BCL6: variants seen among roughly 807,000 people sequenced by gnomAD.
BCL6 encodes B-cell lymphoma 6 protein.
A neutral mutation model predicts 59.5 loss-of-function variants in BCL6; 7 were observed. That is an observed-to-expected ratio of 0.12 (90% confidence interval 0.07 to 0.22). The LOEUF (loss-of-function observed/expected upper bound fraction) is 0.22, where lower values mean the gene tolerates loss of function less well. BCL6 is among the 10% of genes least tolerant of loss of function. The pLI is 1.00. For missense variants in BCL6, 685 were observed against 939.4 expected, an observed-to-expected ratio of 0.73 and a Z score of 3.54; for synonymous variants, 339 against 349.7, an observed-to-expected ratio of 0.97 and a Z score of 0.34.
chr3:187,734,098 T>C (rs1719175932), intron 2 of BCL6, among the ~76,000 whole-genome samples: 1 of 124,646 alleles, frequency 8.0e-6, no homozygotes, highest in African/African-American at 3.2e-5. Flanking sequence ...TGAAGTGCAA[T>C]AGTGCAATCT....
rs1718647346 is a variant in BCL6 at position 187,725,520 on chromosome 3, G to C, written c.1818C>G (p.Thr606=). Residue 606 remains threonine (T), a synonymous_variant, in exon 8 of 10, where the codon ACC becomes ACG. Coordinates refer to ENST00000406870, the MANE Select transcript of BCL6 (RefSeq NM_001706.5). This position sits in a 1 kb window ranked among gnomAD's most constrained non-coding sequence, Gnocchi z 4.7. The stretch of plus-strand genomic sequence containing the variant: ...TCACCTGTACAAATCTGGCTCCGCA[G>C]GTTTCGCATTTGTAGGGCTTCTCTC... ...HSGEKPYKCE[T]CGARFVQVAH... 6.2e-7 allele frequency: 1 copy of C among 1,614,186 alleles called. No homozygotes were observed. The highest frequency in any genetic ancestry group is 1.3e-5 in the African/African-American group (1 of 75,048).
In BCL6 at chr3:187,725,831, C is replaced by T. The variant is rs902309647; in HGVS notation, c.1709-202G>A. 2.0e-4 allele frequency among the ~76,000 whole-genome samples: 30 copies of T among 152,172 alleles called. No homozygotes were observed. Among genetic ancestry groups the T allele is most frequent in the Admixed American group, 8.5e-4 (13 of 15,280 alleles). ...CTCTCACACACGCACCTGCATACCTCGCAGGGGACCAGGGCCAAGAAACAA... is the reference window on the plus strand; with the variant it reads ...CTCTCACACACGCACCTGCATACCTTGCAGGGGACCAGGGCCAAGAAACAA... On this transcript the variant is annotated intron_variant, in intron 7 of 9. Coordinates refer to ENST00000406870, the MANE Select transcript of BCL6 (RefSeq NM_001706.5). This position sits in a 1 kb window ranked among gnomAD's most constrained non-coding sequence, Gnocchi z 4.7.
intron 1 of BCL6, among the ~76,000 whole-genome samples, chr3:187,739,128 C>T (rs1320875698): frequency 6.6e-6 from 1 of 152,192 alleles, no homozygotes; most frequent in East Asian, 1.9e-4. Flanking sequence ...TCCTCTCCAG[C>T]CAGAGAGGCT....
rs557020867 is a variant in BCL6, at chr3:187,743,743, C to T, written c.-50+1667G>A. Among the ~76,000 whole-genome samples the T allele has an allele frequency of 2.4e-3, 357 of 150,518 alleles. 2 individuals carry two copies. The highest frequency in any genetic ancestry group is 6.8e-3 in the Middle Eastern group (2 of 294). On this transcript the variant is annotated intron_variant, in intron 1 of 9. Coordinates refer to ENST00000406870, the MANE Select transcript of BCL6 (RefSeq NM_001706.5). ...CTGCTGCCCCCCCGCCCTTTCTCCC[C>T]GCCCGCCCCCGGAGCTCAGCCGATT...
intron 1 of BCL6, chr3:187,737,347 CAGAGAGAGAGAGAGAGAGAG>C (rs67618905): frequency 1.5e-3 from 101 of 68,474 alleles, no homozygotes; most frequent in African/African-American, 3.8e-3. Flanking sequence ...GCAGAAACGA[CAGAGAGAGAGAGAGAGAGAG>C]AGAGAGAGAG....
chr3:187,741,487 G>T (rs1711589919), intron 1 of BCL6, among the ~76,000 whole-genome samples: 1 of 152,048 alleles, frequency 6.6e-6, no homozygotes, highest in African/African-American at 2.4e-5. Flanking sequence ...ACTGCGCCTG[G>T]CAAAGCGGGG....
chr3:187,736,440 C>T (rs1198262501), intron 1 of BCL6: 1 of 152,164 alleles, frequency 6.6e-6, no homozygotes, highest in Non-Finnish European at 1.5e-5. Context: ...GGAAGGGATC[C>T]TCAAACACTT....
At position 187,728,356 on chromosome 3, in the gene BCL6, T is replaced by A; in HGVS notation, c.1540+4A>T. ...GACAAGAGGAGGGAGGGAAAAGGACTCACCACAGCTAGAATCTGAGTACTC... is the reference window on the plus strand; with the variant it reads ...GACAAGAGGAGGGAGGGAAAAGGACACACCACAGCTAGAATCTGAGTACTC... On this transcript the variant is annotated splice_donor_region_variant and intron_variant, in intron 6 of 9. Transcript: ENST00000406870. The A allele has an allele frequency of 1.3e-6, 2 of 1,580,514 alleles. No individual in the cohort carries two copies. Among genetic ancestry groups the A allele is most frequent in the Non-Finnish European group, 1.7e-6 (2 of 1,161,890 alleles).
intron 1 of BCL6, chr3:187,737,347 C>CAGAGAGAGAGAGAGAGAGAGAGAG (rs67618905): frequency 1.5e-5 from 1 of 68,496 alleles, no homozygotes; most frequent in African/African-American, 6.4e-5. Context: ...GCAGAAACGA[C>CAGAGAGAGAGAGAGAGAGAGAGAG]AGAGAGAGAG....
At chr3:187,738,912 TGAA>T (rs1352312760) in intron 1 of BCL6, among the ~76,000 whole-genome samples, 1 of 152,198 alleles carries the variant, frequency 6.6e-6, no homozygotes, top group Non-Finnish European at 1.5e-5. Context: ...GAAGTTAAAA[TGAA>T]GTAAGTGCAT....
intron 1 of BCL6, among the ~76,000 whole-genome samples, chr3:187,739,150 T>C (rs1711508981): frequency 6.6e-6 from 1 of 152,224 alleles, no homozygotes; most frequent in African/African-American, 2.4e-5. Context: ...CAGAGGCTGT[T>C]GGATTATTGG....
intron 1 of BCL6, among the ~76,000 whole-genome samples, chr3:187,740,573 GAT>G (rs1711549123): frequency 1.3e-5 from 2 of 152,166 alleles, no homozygotes; most frequent in African/African-American, 4.8e-5. Flanking sequence ...AAGGAGCTGA[GAT>G]AAACCCGCCT....
intron 1 of BCL6, among the ~76,000 whole-genome samples, chr3:187,744,393 G>C (rs1711774877): frequency 6.6e-6 from 1 of 151,848 alleles, no homozygotes; most frequent in South Asian, 2.1e-4. Flanking sequence ...AGCGCGCGGA[G>C]GTTCCCGACT....
intron 1 of BCL6, among the ~76,000 whole-genome samples, chr3:187,742,917 A>G (rs1270289058): frequency 1.3e-5 from 2 of 152,212 alleles, no homozygotes; most frequent in African/African-American, 4.8e-5. Flanking sequence ...ATGAACTTCA[A>G]CTTGGGCTGC....
At chr3:187,743,021 TC>T (rs904729687) in intron 1 of BCL6, among the ~76,000 whole-genome samples, 9 of 129,532 alleles carry the variant, frequency 6.9e-5, no homozygotes, top group Non-Finnish European at 1.3e-4. Flanking sequence ...TGCCGCCCCC[TC>T]TTTTTTTTTT....
intron 1 of BCL6, among the ~76,000 whole-genome samples, chr3:187,745,149 A>T (rs553463616): frequency 2.6e-5 from 4 of 152,160 alleles, no homozygotes; most frequent in East Asian, 1.9e-4. Context: ...ATAACAATCT[A>T]TATCCTATGG....
In BCL6 at chr3:187,722,622, A is replaced by G. The variant is rs774999825; in HGVS notation, c.1978-21T>C. On this transcript the variant is annotated intron_variant, in intron 9 of 9. Transcript: ENST00000406870. ...TCACACTGCAGGGATATCAGAGGCAAACTGTTAGCTGTCATCAACCCAAGA... is the reference window on the plus strand; with the variant it reads ...TCACACTGCAGGGATATCAGAGGCAGACTGTTAGCTGTCATCAACCCAAGA... 5.0e-6 allele frequency: 8 copies of G among 1,608,712 alleles called. No homozygotes were observed. The South Asian group carries it at 8.9e-5, about 18-fold the overall frequency.
At chr3:187,738,978 T>C (rs575526567) in intron 1 of BCL6, among the ~76,000 whole-genome samples, 63 of 152,262 alleles carry the variant, frequency 4.1e-4, no homozygotes, top group African/African-American at 1.5e-3. Flanking sequence ...GAATGGTGTT[T>C]TTACCGCTGC....
intron 1 of BCL6, among the ~76,000 whole-genome samples, chr3:187,745,075 G>A (rs1428971613): frequency 6.6e-6 from 1 of 151,816 alleles, no homozygotes; most frequent in African/African-American, 2.4e-5. Flanking sequence ...ACACAAGGGA[G>A]GGTGGCAAAA....
Sources: gnomAD v4.1 joint callset for allele counts (sites outside exome capture counted in the v4.1 genomes callset) on GRCh38, gnomAD v4.1.1 for gene constraint, Gnocchi (gnomAD v3.1) non-coding constraint, MANE v1.5 for transcripts, NCBI Gene and HGNC (gene_info 2026-07-23, HGNC 2026-07-21) for gene names.